The following EPHA6 variants were observed in gnomAD, a reference collection of about 807,000 sequenced individuals.
The protein encoded by EPHA6 is EPH receptor A6.
A neutral mutation model predicts 112.0 loss-of-function variants in EPHA6; 50 were observed. The observed-to-expected ratio is 0.45, with a 90% confidence interval of 0.36 to 0.56. The LOEUF (loss-of-function observed/expected upper bound fraction) is 0.56. Ranked by LOEUF, EPHA6 falls within the 20% of genes least tolerant of loss-of-function variation. EPHA6 has a pLI of 0.00. For synonymous variants in EPHA6, 529 were observed against 490.7 expected, an observed-to-expected ratio of 1.08 and a Z score of -1.03; for missense variants, 1,280 against 1,417.4, an observed-to-expected ratio of 0.90 and a Z score of 1.56.
Position 97,424,600 on chromosome 3 carries a change from T to A in EPHA6, c.1731+19326T>A, listed in dbSNP as rs943634001. Among the ~76,000 whole-genome samples the A allele has an allele frequency of 3.3e-5, 5 of 151,816 alleles. No individual in the cohort carries two copies. In the East Asian group the frequency reaches 9.7e-4, roughly 30 times the overall value. ...GGGCAGATTACCTGAGGTCAGGAGATCAAGACCAGCCTGGCCAACATAGTG... is the reference window on the plus strand; with the variant it reads ...GGGCAGATTACCTGAGGTCAGGAGAACAAGACCAGCCTGGCCAACATAGTG... On this transcript the variant is annotated intron_variant, in intron 6 of 17. Coordinates refer to ENST00000389672, the MANE Select transcript of EPHA6 (RefSeq NM_001080448.3).
At chr3:97,192,126 GT>G (rs903836686) in intron 3 of EPHA6, among the ~76,000 whole-genome samples, 2 of 151,774 alleles carry the variant, frequency 1.3e-5, no homozygotes, top group Non-Finnish European at 2.9e-5. Context: ...CACTCTATGG[GT>G]TTTTTTGTTT....
In EPHA6 at chr3:97,179,717, G is replaced by GTCTCTCTCTCTC. The variant is rs71113852; in HGVS notation, c.1115-46514_1115-46503dup. ...TTTTACTTTCTGCCAAACCTACAGA[G>GTCTCTCTCTCTC]TCTCTCTCTCTCTCTCTCTCTCTCT... On this transcript the variant is annotated intron_variant, in intron 3 of 17. Coordinates refer to ENST00000389672, the MANE Select transcript of EPHA6 (RefSeq NM_001080448.3). Among the ~76,000 whole-genome samples, 633 of 119,148 alleles carry GTCTCTCTCTCTC rather than the reference G, an allele frequency of 5.3e-3. 21 individuals carry two copies. The highest frequency in any genetic ancestry group is 0.02 in the African/African-American group (529 of 26,148). 78.2% of individuals were successfully genotyped at this position (119,148 alleles called of 152,430 possible). A position where few individuals can be genotyped will look rare whatever the true frequency, so the allele number is the denominator to read the frequency against.
intron 3 of EPHA6, among the ~76,000 whole-genome samples, chr3:97,157,487 C>G (rs2076314704): frequency 6.6e-6 from 1 of 152,012 alleles, no homozygotes; most frequent in Non-Finnish European, 1.5e-5. Flanking sequence ...TTTCCTAAGT[C>G]CATGTTTAAT....
intron 16 of EPHA6, among the ~76,000 whole-genome samples, chr3:97,740,919 A>C (rs1376705091): frequency 6.6e-6 from 1 of 152,126 alleles, no homozygotes; most frequent in East Asian, 1.9e-4. Flanking sequence ...GCACTTTTAA[A>C]TATGCTTTTC....
intron 11 of EPHA6, among the ~76,000 whole-genome samples, chr3:97,565,472 A>C (rs544444011): frequency 6.2e-4 from 94 of 152,326 alleles, no homozygotes; most frequent in Non-Finnish European, 1.2e-3. Flanking sequence ...CTGAATATCA[A>C]AATGTACCTT....
At chr3:97,551,996 T>A (rs949549273) in intron 11 of EPHA6, among the ~76,000 whole-genome samples, 5 of 152,158 alleles carry the variant, frequency 3.3e-5, no homozygotes, top group Admixed American at 1.3e-4. Context: ...ATAATTAATA[T>A]AATTACTTCT....
chr3:97,645,665 TA>T (rs199675404), intron 14 of EPHA6, among the ~76,000 whole-genome samples: 2,385 of 146,468 alleles, frequency 0.016, 41 homozygotes, highest in African/African-American at 0.047. Flanking sequence ...TAAAGTATAA[TA>T]AAAAAAAAAG....
At chr3:97,118,184 C>T (rs992275080) in intron 3 of EPHA6, among the ~76,000 whole-genome samples, 1 of 151,792 alleles carries the variant, frequency 6.6e-6, no homozygotes, top group Non-Finnish European at 1.5e-5. Context: ...TCAAAGTCTC[C>T]TGGTGCTTTG....
At chr3:97,199,377 G>T (rs1380139270) in intron 3 of EPHA6, among the ~76,000 whole-genome samples, 2 of 152,000 alleles carry the variant, frequency 1.3e-5, no homozygotes, top group Middle Eastern at 3.2e-3. Context: ...CTCATCTCTG[G>T]CTGTACATTA....
At chr3:97,209,324 C>G (rs191728397) in intron 3 of EPHA6, among the ~76,000 whole-genome samples, 6 of 152,168 alleles carry the variant, frequency 3.9e-5, no homozygotes, top group Admixed American at 6.5e-5. Flanking sequence ...CACACACACA[C>G]ACGTATTTGT....
At chr3:97,629,046 T>C (rs2093881849) in intron 13 of EPHA6, among the ~76,000 whole-genome samples, 1 of 151,946 alleles carries the variant, frequency 6.6e-6, no homozygotes, top group South Asian at 2.1e-4. Context: ...TTCTCCCAAC[T>C]CAGCCTCTTG....
intron 3 of EPHA6, among the ~76,000 whole-genome samples, chr3:97,044,523 GTTCTCAGATTTTACCAACCATGTCC>G (rs1257625825): frequency 6.6e-6 from 1 of 152,090 alleles, no homozygotes; most frequent in African/African-American, 2.4e-5. Flanking sequence ...TGCTATTAAT[GTTCTCAGATTTTACCAACCATGTCC>G]TTCTCATTTG....
At chr3:97,700,135 C>T (rs1201627946) in intron 14 of EPHA6, among the ~76,000 whole-genome samples, 1 of 152,184 alleles carries the variant, frequency 6.6e-6, no homozygotes, top group Non-Finnish European at 1.5e-5. Flanking sequence ...GTTCGCTAAC[C>T]ATGAAGAACT....
chr3:97,526,674 T>C (rs770557457), intron 10 of EPHA6, among the ~76,000 whole-genome samples: 3 of 152,182 alleles, frequency 2.0e-5, no homozygotes, highest in Non-Finnish European at 4.4e-5. Context: ...ACAGAAGGGC[T>C]GGTGCCTAGA....
intron 2 of EPHA6, among the ~76,000 whole-genome samples, chr3:96,985,060 C>T (rs1042673138): frequency 5.3e-5 from 8 of 152,098 alleles, no homozygotes; most frequent in African/African-American, 1.9e-4. Flanking sequence ...CACTGTCCTG[C>T]CCCCACTGTC....
At chr3:97,214,237 C>T (rs2077968069) in intron 3 of EPHA6, among the ~76,000 whole-genome samples, 1 of 151,962 alleles carries the variant, frequency 6.6e-6, no homozygotes, top group African/African-American at 2.4e-5. Context: ...CAGGGATTCA[C>T]CATGTTGGCC....
At chr3:97,437,164 C>A (rs1006210961) in intron 6 of EPHA6, among the ~76,000 whole-genome samples, 1 of 151,764 alleles carries the variant, frequency 6.6e-6, no homozygotes, top group African/African-American at 2.4e-5. Flanking sequence ...GATTGGGCAA[C>A]CCTGGTATAC....
At chr3:97,268,719 T>C (rs1473360377) in intron 5 of EPHA6, among the ~76,000 whole-genome samples, 1 of 152,154 alleles carries the variant, frequency 6.6e-6, no homozygotes, top group Non-Finnish European at 1.5e-5. Context: ...GAATGTTTAA[T>C]ACAATGATGA....
intron 13 of EPHA6, among the ~76,000 whole-genome samples, chr3:97,616,390 T>C (rs1377098905): frequency 6.6e-6 from 1 of 152,140 alleles, no homozygotes; most frequent in African/African-American, 2.4e-5. Flanking sequence ...AATGACCACA[T>C]TACCTCTCCA....
Sources: gnomAD v4.1 joint callset for allele counts (sites outside exome capture counted in the v4.1 genomes callset) on GRCh38, gnomAD v4.1.1 for gene constraint, MANE v1.5 for transcripts, NCBI Gene and HGNC (gene_info 2026-07-23, HGNC 2026-07-21) for gene names.